Variants in VPS41 observed in about 807,000 individuals in gnomAD.
The protein encoded by VPS41 is vacuolar protein sorting-associated protein 41 homolog.
VPS41 carries 85 observed loss-of-function variants against 130.9 expected under a neutral mutation model. That is an observed-to-expected ratio of 0.65 (90% confidence interval 0.55 to 0.78). The LOEUF (loss-of-function observed/expected upper bound fraction) is 0.78. Ranked by LOEUF, VPS41 falls within the 30% of genes least tolerant of loss-of-function variation. VPS41 has a pLI of 0.00. For missense variants in VPS41, 874 were observed against 1,018.7 expected (o/e 0.86, Z 1.93); for synonymous variants, 335 against 332.9 (o/e 1.01, Z -0.07).
chr7:38,772,585 TACA>T lies in VPS41; in HGVS notation c.1062_1064del (p.Val356del), dbSNP rs1784173745. On this transcript the variant is annotated inframe_deletion, in exon 13 of 29. Coordinates refer to ENST00000310301, the MANE Select transcript of VPS41 (RefSeq NM_014396.4). ...CATCTTGGTCTCGTTCCTTGGCCAC[TACA>T]ACATCTCTCGGACTCACGATGTAAA... 9 of 1,613,580 alleles carry T rather than the reference TACA, an allele frequency of 5.6e-6. No homozygotes were observed. The highest frequency in any genetic ancestry group is 7.6e-6 in the Non-Finnish European group (9 of 1,179,630).
chr7:38,842,734 A>G (rs1785634472), intron 4 of VPS41, among the ~76,000 whole-genome samples: 2 of 152,200 alleles, frequency 1.3e-5, no homozygotes, highest in South Asian at 4.1e-4. Flanking sequence ...GGCAAATTCC[A>G]GCTCTTTCTA....
chr7:38,745,881 AAAAG>A, intron 22 of VPS41: 1 of 367,684 alleles, frequency 2.7e-6, no homozygotes, highest in Non-Finnish European at 4.8e-6. Context: ...ACACCAAATG[AAAAG>A]AAAGGGCCTT....
At chr7:38,740,450 C>T (rs1795858705) in intron 25 of VPS41, among the ~76,000 whole-genome samples, 2 of 152,186 alleles carry the variant, frequency 1.3e-5, no homozygotes, top group South Asian at 4.1e-4. Flanking sequence ...GCCAGCTCCT[C>T]ACCTCACCTC....
intron 6 of VPS41, among the ~76,000 whole-genome samples, chr7:38,819,903 T>C (rs1215232403): frequency 6.6e-6 from 1 of 152,204 alleles, no homozygotes; most frequent in Non-Finnish European, 1.5e-5. Flanking sequence ...TTATCACGTT[T>C]GTGTTTAAGG....
intron 4 of VPS41, among the ~76,000 whole-genome samples, chr7:38,830,971 G>T (rs1785375564): frequency 6.6e-6 from 1 of 152,168 alleles, no homozygotes; most frequent in African/African-American, 2.4e-5. Context: ...GAGGAGTGAA[G>T]AATACTGCAC....
rs1292931603 is a variant in VPS41, at chr7:38,772,641, T to C, written c.1013-4A>G. ...AGTGATTCCCCTTCAGAGTATTCTG[T>C]AGGTGAGAAAAGAGAGGAACGACTT... On this transcript the variant is annotated splice_region_variant and splice_polypyrimidine_tract_variant and intron_variant, in intron 12 of 28. Coordinates refer to ENST00000310301, the MANE Select transcript of VPS41 (RefSeq NM_014396.4). 1.3e-6 allele frequency: 2 copies of C among 1,595,358 alleles called. No individual in the cohort carries two copies. Among genetic ancestry groups the C allele is most frequent in the Admixed American group, 3.4e-5 (2 of 59,598 alleles).
At chr7:38,801,856 C>T (rs1784733108) in intron 7 of VPS41, among the ~76,000 whole-genome samples, 2 of 152,216 alleles carry the variant, frequency 1.3e-5, no homozygotes, top group South Asian at 4.1e-4. Context: ...GCGTTTGCTA[C>T]AGGAGGAGCT....
At chr7:38,827,035 G>A (rs1785294339) in intron 5 of VPS41, among the ~76,000 whole-genome samples, 1 of 152,072 alleles carries the variant, frequency 6.6e-6, no homozygotes, top group Non-Finnish European at 1.5e-5. Flanking sequence ...AGTCAGGATG[G>A]TCTCGATTTC....
At chr7:38,809,798 A>T (rs1478222768) in intron 7 of VPS41, among the ~76,000 whole-genome samples, 3 of 152,224 alleles carry the variant, frequency 2.0e-5, no homozygotes, top group Non-Finnish European at 4.4e-5. Context: ...TGCAAACAGC[A>T]TCGCGACAAT....
At chr7:38,901,031 C>CT (rs545524591) in intron 1 of VPS41, among the ~76,000 whole-genome samples, 6 of 151,448 alleles carry the variant, frequency 4.0e-5, no homozygotes, top group African/African-American at 1.5e-4. Flanking sequence ...GGTTTTCAAA[C>CT]TTTTTTTTTA....
chr7:38,804,357 C>CA (rs963812109), intron 7 of VPS41, among the ~76,000 whole-genome samples: 3 of 152,158 alleles, frequency 2.0e-5, no homozygotes, highest in Admixed American at 2.0e-4. Context: ...CAATAGGCCC[C>CA]AGTGTGTGTT....
Position 38,765,647 on chromosome 7 carries a change from A to C in VPS41, c.1262T>G (p.Ile421Ser). The change falls in exon 16 of 29, where the codon ATT becomes AGT. Residue 421 changes from isoleucine (I) to serine (S), a missense_variant. Transcript: ENST00000310301. ...YDIAARKCQK[I>S]LGKNAALWEY... ...CCAGAGTGCTGCATTTTTCCCAAGAATTTTCTGGCATTTGCTGGCAGTAAA... is the reference window on the plus strand; with the variant it reads ...CCAGAGTGCTGCATTTTTCCCAAGACTTTTCTGGCATTTGCTGGCAGTAAA... 6.3e-7 allele frequency: 1 copy of C among 1,598,306 alleles called. No individual in the cohort carries two copies. The highest frequency in any genetic ancestry group is 8.5e-7 in the Non-Finnish European group (1 of 1,175,688).
In VPS41 at chr7:38,851,541, A is replaced by T. The variant is rs1304295723; in HGVS notation, c.246+11004T>A. Among the ~76,000 whole-genome samples the T allele has an allele frequency of 3.9e-5, 6 of 152,220 alleles. No individual in the cohort carries two copies. In the South Asian group the frequency reaches 1.2e-3, roughly 31 times the overall value. ...TGAGTTGAATGACCATTGTTTAGAT[A>T]TACCACATTTTGTCTCTCCATTCAC... On this transcript the variant is annotated intron_variant, in intron 4 of 28. Transcript: ENST00000310301.
intron 6 of VPS41, among the ~76,000 whole-genome samples, chr7:38,820,124 A>G (rs1375995700): frequency 1.3e-5 from 2 of 152,156 alleles, no homozygotes; most frequent in African/African-American, 2.4e-5. Flanking sequence ...CATCACCCTC[A>G]TCCAAGCCAT....
chr7:38,801,870 C>T (rs770911678), intron 7 of VPS41, among the ~76,000 whole-genome samples: 1 of 152,180 alleles, frequency 6.6e-6, no homozygotes, highest in Non-Finnish European at 1.5e-5. Context: ...AGGAGCTACA[C>T]GATTTCCCAA....
At chr7:38,831,792 G>A (rs997045105) in intron 4 of VPS41, among the ~76,000 whole-genome samples, 1 of 152,200 alleles carries the variant, frequency 6.6e-6, no homozygotes, top group Non-Finnish European at 1.5e-5. Flanking sequence ...TATGTGAGTG[G>A]TCTAAAGCCA....
chr7:38,733,991 T>C (rs1325576941), intron 25 of VPS41, among the ~76,000 whole-genome samples: 2 of 151,994 alleles, frequency 1.3e-5, no homozygotes, highest in African/African-American at 4.8e-5. Context: ...GAGGTTGAAG[T>C]GAAAGGATCA....
At chr7:38,798,785 AC>A (rs2115999599) in intron 7 of VPS41, among the ~76,000 whole-genome samples, 1 of 152,248 alleles carries the variant, frequency 6.6e-6, no homozygotes, top group East Asian at 1.9e-4. Context: ...CCTTTCCCTC[AC>A]CAATTCCCAC....
At chr7:38,873,579 CTGAGT>C (rs1291356583) in intron 2 of VPS41, among the ~76,000 whole-genome samples, 1 of 152,120 alleles carries the variant, frequency 6.6e-6, no homozygotes, top group African/African-American at 2.4e-5. Flanking sequence ...CATCAACAGT[CTGAGT>C]TAAGATGACA....
Sources: allele counts gnomAD v4.1 joint callset (sites outside exome capture counted in the v4.1 genomes callset), GRCh38; gene constraint gnomAD v4.1.1; transcripts MANE v1.5; gene names NCBI Gene and HGNC (gene_info 2026-07-23, HGNC 2026-07-21).